OSBPL3: variants seen among roughly 807,000 people sequenced by gnomAD.
OSBPL3 encodes the protein oxysterol binding protein like 3, also known as oxysterol-binding protein-related protein 3.
A neutral mutation model predicts 120.1 loss-of-function variants in OSBPL3; 65 were observed. That is an observed-to-expected ratio of 0.54 (90% CI 0.44 to 0.67). OSBPL3 has a LOEUF of 0.67. Among genes scored for constraint, OSBPL3 ranks in the 30% least tolerant of loss-of-function variants. The pLI is 0.00. For missense variants in OSBPL3, 1,004 were observed against 1,082.1 expected, an observed-to-expected ratio of 0.93 and a Z score of 1.01; for synonymous variants, 416 against 402.6, an observed-to-expected ratio of 1.03 and a Z score of -0.40.
chr7:24,842,649 C>T (rs1263566336), intron 12 of OSBPL3, among the ~76,000 whole-genome samples: 2 of 152,102 alleles, frequency 1.3e-5, no homozygotes, highest in African/African-American at 4.8e-5. Flanking sequence ...CAACAAATCA[C>T]AAGGCAAAAA....
rs1796909554 is a variant in OSBPL3, at chr7:24,835,668, G to A, written c.1496-932C>T. On this transcript the variant is annotated intron_variant, in intron 14 of 22. Coordinates refer to ENST00000313367, the MANE Select transcript of OSBPL3 (RefSeq NM_015550.4). The surrounding 1 kb of genome is among the most constrained non-coding windows in gnomAD (Gnocchi z 4.8). ...GCAAAGACATGGAATCAATTTAAAT[G>A]CCCATCAACAGTAGACTAGATAAAG... is the stretch of plus-strand genomic sequence containing the variant. Among the ~76,000 whole-genome samples the A allele has an allele frequency of 6.6e-6, 1 of 152,032 alleles. No homozygotes were observed. Among genetic ancestry groups the A allele is most frequent in the Admixed American group, 6.6e-5 (1 of 15,262 alleles).
In OSBPL3 at chr7:24,915,425, C is replaced by G. The variant is rs145843692; in HGVS notation, c.-149-22804G>C. ...AAATGTGAACAACCTCTTTAGAAGA[C>G]AGTTTGGCAACAGAAAAGTTGTCTT... On this transcript the variant is annotated intron_variant, in intron 1 of 22. Coordinates refer to ENST00000313367, the MANE Select transcript of OSBPL3 (RefSeq NM_015550.4). 3.6e-3 allele frequency among the ~76,000 whole-genome samples: 554 copies of G among 152,196 alleles called. 4 individuals carry two copies. Among genetic ancestry groups the G allele is most frequent in the African/African-American group, 0.013 (528 of 41,526 alleles).
At position 24,845,445 on chromosome 7, in the gene OSBPL3, ATGTGTGTG is replaced by A. The variant is rs112776265; in HGVS notation, c.1267-3040_1267-3033del. ...CCCATACCTATCTGTATTTGTGTGT[ATGTGTGTG>A]TGTGTGTATGTGTGTGTGTGTGAAT... On this transcript the variant is annotated intron_variant, in intron 12 of 22. Coordinates refer to ENST00000313367, the MANE Select transcript of OSBPL3 (RefSeq NM_015550.4). Among the ~76,000 whole-genome samples the A allele has an allele frequency of 3.5e-5, 4 of 114,854 alleles. No individual in the cohort carries two copies. The South Asian group carries it at 9.4e-4, about 27-fold the overall frequency. 75.3% of individuals were successfully genotyped at this position (114,854 alleles called of 152,430 possible).
chr7:24,848,150 C>T (rs1361056077), intron 12 of OSBPL3, among the ~76,000 whole-genome samples: 1 of 152,190 alleles, frequency 6.6e-6, no homozygotes, highest in Non-Finnish European at 1.5e-5. Context: ...ACTCGCCTCA[C>T]CACCCCGCAC....
At chr7:24,868,991 C>T (rs1448629527) in intron 5 of OSBPL3, among the ~76,000 whole-genome samples, 1 of 152,172 alleles carries the variant, frequency 6.6e-6, no homozygotes, top group African/African-American at 2.4e-5. Flanking sequence ...CTTAATCTCT[C>T]TGCTACTCAG....
chr7:24,839,991 CAAAAAAA>C (rs71675250), intron 14 of OSBPL3, among the ~76,000 whole-genome samples: 10 of 53,300 alleles, frequency 1.9e-4, no homozygotes, highest in South Asian at 9.1e-4. Context: ...CTCCATCTCA[CAAAAAAA>C]AAAAAAAAAA....
In OSBPL3 at chr7:24,879,429, CA is replaced by C. The variant is rs1803328466; in HGVS notation, c.97-7361del. 1.3e-5 allele frequency among the ~76,000 whole-genome samples: 2 copies of C among 152,192 alleles called. No individual in the cohort carries two copies. The highest frequency in any genetic ancestry group is 1.3e-4 in the Admixed American group (2 of 15,272). ...ACCATCCCTTCTTTCCCTTCACACA[CA>C]GATGTAGCTCTCCAACCTCAGGCCA... On this transcript the variant is annotated intron_variant, in intron 2 of 22. Coordinates refer to ENST00000313367, the MANE Select transcript of OSBPL3 (RefSeq NM_015550.4). This position sits in a 1 kb window ranked among gnomAD's most constrained non-coding sequence, Gnocchi z 5.6.
intron 1 of OSBPL3, among the ~76,000 whole-genome samples, chr7:24,923,139 A>G (rs1244969967): frequency 6.6e-6 from 1 of 152,168 alleles, no homozygotes; most frequent in African/African-American, 2.4e-5. Context: ...CATCAATCAC[A>G]ATAGGTTATC....
Position 24,980,119 on chromosome 7 carries a change from G to T in OSBPL3, c.-383C>A, listed in dbSNP as rs1273878778. ...GAAGCGCTCAAGTCCCCTCTCCCGGGCCGGCTGGCGGGCGCCACCAGCACG... is the reference window on the plus strand; with the variant it reads ...GAAGCGCTCAAGTCCCCTCTCCCGGTCCGGCTGGCGGGCGCCACCAGCACG... On this transcript the variant is annotated 5_prime_UTR_variant, in exon 1 of 23. Transcript: ENST00000313367. 7.8e-6 allele frequency: 7 copies of T among 903,172 alleles called. No homozygotes were observed. The highest frequency in any genetic ancestry group is 9.3e-6 in the Non-Finnish European group (7 of 755,122). 55.9% of individuals were successfully genotyped at this position (903,172 alleles called of 1,614,324 possible). A position where few individuals can be genotyped will look rare whatever the true frequency, so the allele number is the denominator to read the frequency against.
In OSBPL3 at chr7:24,813,281, C is replaced by T. The variant is rs1288609533; in HGVS notation, c.2172+1778G>A. ...TGGAAGCCACCAAGGGACACTGTCA[C>T]CTTCCACAGGCGAGTGTGGCATCCA... On this transcript the variant is annotated intron_variant, in intron 19 of 22. Coordinates refer to ENST00000313367, the MANE Select transcript of OSBPL3 (RefSeq NM_015550.4). This position sits in a 1 kb window ranked among gnomAD's most constrained non-coding sequence, Gnocchi z 4.5. 6.6e-6 allele frequency among the ~76,000 whole-genome samples: 1 copy of T among 152,182 alleles called. No individual in the cohort carries two copies. The highest frequency in any genetic ancestry group is 6.5e-5 in the Admixed American group (1 of 15,280).
At position 24,917,285 on chromosome 7, in the gene OSBPL3, A is replaced by G. The variant is rs1184603978; in HGVS notation, c.-149-24664T>C. The stretch of plus-strand genomic sequence containing the variant: ...CAGAAATTGAATTTTCAAGTTCACT[A>G]TATCAAGGATTATCAGGCACCATAC... On this transcript the variant is annotated intron_variant, in intron 1 of 22. Transcript: ENST00000313367. Among the ~76,000 whole-genome samples, 6 of 151,876 alleles carry G rather than the reference A, an allele frequency of 4.0e-5. No homozygotes were observed. The South Asian group carries it at 6.3e-4, about 16-fold the overall frequency.
chr7:24,827,955 C>A lies in OSBPL3; in HGVS notation c.1884+2813G>T, dbSNP rs1281746422. ...AGAAAGTATATATTATAGATATATGCCTTTCTAGTTTTCTTTCATCAAGTC... is the reference window on the plus strand; with the variant it reads ...AGAAAGTATATATTATAGATATATGACTTTCTAGTTTTCTTTCATCAAGTC... On this transcript the variant is annotated intron_variant, in intron 16 of 22. Coordinates refer to ENST00000313367, the MANE Select transcript of OSBPL3 (RefSeq NM_015550.4). The surrounding 1 kb of genome is among the most constrained non-coding windows in gnomAD (Gnocchi z 5.1). Among the ~76,000 whole-genome samples, 1 of 152,144 alleles carries A rather than the reference C, an allele frequency of 6.6e-6. No homozygotes were observed. Among genetic ancestry groups the A allele is most frequent in the East Asian group, 1.9e-4 (1 of 5,200 alleles).
chr7:24,831,494 A>C lies in OSBPL3; in HGVS notation c.1747-589T>G, dbSNP rs1796359922. Among the ~76,000 whole-genome samples, 1 of 120,214 alleles carries C rather than the reference A, an allele frequency of 8.3e-6. No individual in the cohort carries two copies. Among genetic ancestry groups the C allele is most frequent in the Non-Finnish European group, 2.1e-5 (1 of 47,026 alleles). 78.9% of individuals were successfully genotyped at this position (120,214 alleles called of 152,430 possible). A position where few individuals can be genotyped will look rare whatever the true frequency, so the allele number is the denominator to read the frequency against. ...TTTTGGGAGGAAAAGTGAAACATCC[A>C]AAAAAAAAATTAAAATAAAGAGAGG... On this transcript the variant is annotated intron_variant, in intron 15 of 22. Coordinates refer to ENST00000313367, the MANE Select transcript of OSBPL3 (RefSeq NM_015550.4). This position sits in a 1 kb window ranked among gnomAD's most constrained non-coding sequence, Gnocchi z 4.0.
At chr7:24,980,489 G>A (rs962033191), upstream of OSBPL3, among the ~76,000 whole-genome samples, 4 of 152,078 alleles carry the variant, frequency 2.6e-5, no homozygotes, top group Non-Finnish European at 5.9e-5. Flanking sequence ...GTGCCTGCGC[G>A]CGGTAGGCGT....
In OSBPL3 at chr7:24,916,195, G is replaced by A. The variant is rs1809529779; in HGVS notation, c.-149-23574C>T. On this transcript the variant is annotated intron_variant, in intron 1 of 22. Coordinates refer to ENST00000313367, the MANE Select transcript of OSBPL3 (RefSeq NM_015550.4). This position sits in a 1 kb window ranked among gnomAD's most constrained non-coding sequence, Gnocchi z 4.9. ...TATGCTACAGAATTACTTTTCAGAA[G>A]ATGGACAATTTCTTTCCCTTTTGTT... is the stretch of plus-strand genomic sequence containing the variant. Among the ~76,000 whole-genome samples, 3 of 152,172 alleles carry A rather than the reference G, an allele frequency of 2.0e-5. No individual in the cohort carries two copies. Among genetic ancestry groups the A allele is most frequent in the Non-Finnish European group, 4.4e-5 (3 of 68,038 alleles).
chr7:24,950,187 A>G (rs189750654), intron 1 of OSBPL3, among the ~76,000 whole-genome samples: 19 of 152,322 alleles, frequency 1.2e-4, no homozygotes, highest in African/African-American at 4.6e-4. Flanking sequence ...AAACATTAGT[A>G]ATGCAATTAA....
In OSBPL3 at chr7:24,873,176, T is replaced by C. The variant is rs1584461679; in HGVS notation, c.97-1107A>G. 6.6e-6 allele frequency among the ~76,000 whole-genome samples: 1 copy of C among 152,026 alleles called. No individual in the cohort carries two copies. On this transcript the variant is annotated intron_variant, in intron 2 of 22. Coordinates refer to ENST00000313367, the MANE Select transcript of OSBPL3 (RefSeq NM_015550.4). The surrounding 1 kb of genome is among the most constrained non-coding windows in gnomAD (Gnocchi z 4.1). ...GTCAAATCTCCAGCCCACAGGCAGG[T>C]GGTACAGGCAGAAGCCAAGGGCACT...
chr7:24,964,270 G>A lies in OSBPL3; in HGVS notation c.-150+15616C>T, dbSNP rs976053722. Among the ~76,000 whole-genome samples, 2 of 152,170 alleles carry A rather than the reference G, an allele frequency of 1.3e-5. No individual in the cohort carries two copies. The highest frequency in any genetic ancestry group is 6.5e-5 in the Admixed American group (1 of 15,280). ...TAATAACTTACTTCCAAAGAGTATA[G>A]TATGGAAAGGCGAAGAAAAAATAAC... On this transcript the variant is annotated intron_variant, in intron 1 of 22. Coordinates refer to ENST00000313367, the MANE Select transcript of OSBPL3 (RefSeq NM_015550.4). The surrounding 1 kb of genome is among the most constrained non-coding windows in gnomAD (Gnocchi z 4.2).
Position 24,913,386 on chromosome 7 carries a change from C to T in OSBPL3, c.-149-20765G>A, listed in dbSNP as rs921635706. Reference sequence around the variant, plus strand: ...AAGTCAGCAGCAACACTCTCTTCTCCTGTCCCTCAGGCTAGCAGGCTCCTG... The same window carrying T: ...AAGTCAGCAGCAACACTCTCTTCTCTTGTCCCTCAGGCTAGCAGGCTCCTG... On this transcript the variant is annotated intron_variant, in intron 1 of 22. Coordinates refer to ENST00000313367, the MANE Select transcript of OSBPL3 (RefSeq NM_015550.4). The surrounding 1 kb of genome is among the most constrained non-coding windows in gnomAD (Gnocchi z 5.3). Among the ~76,000 whole-genome samples the T allele has an allele frequency of 1.3e-5, 2 of 152,158 alleles. No homozygotes were observed. Among genetic ancestry groups the T allele is most frequent in the African/African-American group, 4.8e-5 (2 of 41,426 alleles).
Sources: allele counts gnomAD v4.1 joint callset (sites outside exome capture counted in the v4.1 genomes callset), GRCh38; gene constraint gnomAD v4.1.1; non-coding constraint Gnocchi (gnomAD v3.1); transcripts MANE v1.5; gene names NCBI Gene and HGNC (gene_info 2026-07-23, HGNC 2026-07-21).